The following CCDC88C variants were observed in gnomAD, a reference collection of about 807,000 sequenced individuals.
The protein encoded by CCDC88C is coiled-coil and HOOK domain protein 88C.
In CCDC88C, 131 loss-of-function variants were observed where a neutral mutation model predicts 198.8. The observed-to-expected ratio is 0.66, with a 90% CI of 0.57 to 0.76. The LOEUF (loss-of-function observed/expected upper bound fraction) is 0.76, where lower values mean the gene tolerates loss of function less well. Among genes scored for constraint, CCDC88C ranks in the 30% least tolerant of loss-of-function variants. CCDC88C has a pLI of 0.00. For synonymous variants in CCDC88C, 1,166 were observed against 1,114.7 expected, an observed-to-expected ratio of 1.05 and a Z score of -0.92; for missense variants, 2,553 against 2,631.6, an observed-to-expected ratio of 0.97 and a Z score of 0.65.
At position 91,343,702 on chromosome 14, in the gene CCDC88C, A is replaced by G. The variant is rs80220853; in HGVS notation, c.341-45T>C. 1.8e-3 allele frequency: 2,930 copies of G among 1,610,500 alleles called. 50 individuals are homozygous for G. The African/African-American group carries it at 0.034, about 18-fold the overall frequency. ...CATTTAACTCAGCTCAACTGCTGAT[A>G]TAATTTCAGTGACATGTTTACCGTA... On this transcript the variant is annotated intron_variant, in intron 4 of 29. Coordinates refer to ENST00000389857, the MANE Select transcript of CCDC88C (RefSeq NM_001080414.4).
chr14:91,394,673 C>T (rs1885729944), intron 3 of CCDC88C, among the ~76,000 whole-genome samples: 1 of 152,202 alleles, frequency 6.6e-6, no homozygotes, highest in African/African-American at 2.4e-5. Flanking sequence ...GATTCAGTGC[C>T]TGCTTTTAAG....
chr14:91,303,712 C>A lies in CCDC88C; in HGVS notation c.3624G>T (p.Glu1208Asp), dbSNP rs202239301. ...LHRNLELEHK[E>D]LGERHGDMLK... ...TCCCCAGGCCCTACCTCTCCCCGAG[C>A]TCCTTGTGCTCCAGCTCCAGATTCC... is the stretch of plus-strand genomic sequence containing the variant. The change falls in exon 20 of 30, where the codon GAG (glutamate) becomes GAT (aspartate). Residue 1208 changes from glutamate to aspartate, a missense_variant. By Grantham distance (45) the Glu-to-Asp change is conservative. Around this residue, in one of 2 missense-constraint regions of CCDC88C, gnomAD observed 1,293 missense variants for 1,219.6 expected, o/e 1.06. Transcript: ENST00000389857. 1 of 1,591,982 alleles carries A rather than the reference C, an allele frequency of 6.3e-7. No individual in the cohort carries two copies. Among genetic ancestry groups the A allele is most frequent in the East Asian group, 2.3e-5 (1 of 43,920 alleles).
At chr14:91,331,590 A>G (rs1596079003) in intron 10 of CCDC88C, among the ~76,000 whole-genome samples, 1 of 152,184 alleles carries the variant, frequency 6.6e-6, no homozygotes, top group East Asian at 1.9e-4. Flanking sequence ...AATGATCATT[A>G]GCCCAGTTCC....
In CCDC88C at chr14:91,313,728, C is replaced by T; in HGVS notation, c.2088G>A (p.Glu696=). The T allele has an allele frequency of 1.2e-6, 2 of 1,609,908 alleles. No individual in the cohort carries two copies. Among genetic ancestry groups the T allele is most frequent in the Non-Finnish European group, 1.7e-6 (2 of 1,179,844 alleles). Residue 696 remains glutamate (E), a synonymous_variant, in exon 15 of 30, where the codon GAG becomes GAA. Coordinates refer to ENST00000389857, the MANE Select transcript of CCDC88C (RefSeq NM_001080414.4). This position sits in a 1 kb window ranked among gnomAD's most constrained non-coding sequence, Gnocchi z 5.2. ...CTGCGTCCAGCTGCTTGTTGTCACG[C>T]TCCAGGCCCTCAAGCTGCAGGGACA... is the stretch of plus-strand genomic sequence containing the variant. ...QNVSLQLEGL[E]RDNKQLDAEN...
At chr14:91,331,265 A>C (rs1199068716) in intron 10 of CCDC88C, among the ~76,000 whole-genome samples, 1 of 152,186 alleles carries the variant, frequency 6.6e-6, no homozygotes, top group African/African-American at 2.4e-5. Flanking sequence ...TTTAAGTTAA[A>C]GATGGGAAAG....
At chr14:91,396,861 G>A (rs887242072) in intron 3 of CCDC88C, among the ~76,000 whole-genome samples, 1 of 152,152 alleles carries the variant, frequency 6.6e-6, no homozygotes, top group African/African-American at 2.4e-5. Flanking sequence ...TTAGCCAGAA[G>A]TGGTGGTGCA....
At chr14:91,299,824 C>T in intron 21 of CCDC88C, 103 bp downstream of exon 21, 1 of 1,383,918 alleles carries the variant, frequency 7.2e-7, no homozygotes, top group Non-Finnish European at 9.5e-7. Flanking sequence ...GATAAAAATC[C>T]ACGATCGCCA....
chr14:91,304,196 G>A (rs1182362503), intron 19 of CCDC88C, among the ~76,000 whole-genome samples: 1 of 152,246 alleles, frequency 6.6e-6, no homozygotes, highest in Non-Finnish European at 1.5e-5. Context: ...TCAGTCCTGA[G>A]CCACTCGCCA....
chr14:91,377,254 T>C (rs1201096355), intron 3 of CCDC88C, among the ~76,000 whole-genome samples: 1 of 152,178 alleles, frequency 6.6e-6, no homozygotes, highest in Non-Finnish European at 1.5e-5. Flanking sequence ...CACCCATTCC[T>C]GTGTGGCAGG....
At chr14:91,301,387 C>A (rs1006201507) in intron 20 of CCDC88C, among the ~76,000 whole-genome samples, 1 of 152,206 alleles carries the variant, frequency 6.6e-6, no homozygotes, top group African/African-American at 2.4e-5. Flanking sequence ...CCAGACTCCA[C>A]CTGCCAAAAC....
chr14:91,365,303 T>C (rs1200656371), intron 3 of CCDC88C, among the ~76,000 whole-genome samples: 1 of 152,004 alleles, frequency 6.6e-6, no homozygotes, highest in South Asian at 2.1e-4. Flanking sequence ...ATGAAGCAGG[T>C]AGGGACCAGG....
chr14:91,359,100 A>G (rs1894175209), intron 4 of CCDC88C, among the ~76,000 whole-genome samples: 1 of 151,918 alleles, frequency 6.6e-6, no homozygotes, highest in Non-Finnish European at 1.5e-5. Flanking sequence ...TCCCAGGAGG[A>G]ACAAGGCGGT....
chr14:91,371,443 G>A lies in CCDC88C; in HGVS notation c.271-11732C>T, dbSNP rs1894796485. 6.6e-6 allele frequency among the ~76,000 whole-genome samples: 1 copy of A among 152,144 alleles called. No individual in the cohort carries two copies. The highest frequency in any genetic ancestry group is 1.9e-4 in the East Asian group (1 of 5,160). On this transcript the variant is annotated intron_variant, in intron 3 of 29. Coordinates refer to ENST00000389857, the MANE Select transcript of CCDC88C (RefSeq NM_001080414.4). This position sits in a 1 kb window ranked among gnomAD's most constrained non-coding sequence, Gnocchi z 4.2. ...AGTGGTCCCATGGGAGGAGCCATGT[G>A]CTGTCCAGGCCCAGCCAACCTCACC...
At chr14:91,289,477 A>C in intron 24 of CCDC88C, 134 bp from the exon 25 acceptor site, 1 of 780,244 alleles carries the variant, frequency 1.3e-6, no homozygotes, top group East Asian at 2.4e-5. Flanking sequence ...GTTCAGGACA[A>C]TGACGCTCAT....
chr14:91,365,550 C>T (rs1195323743), intron 3 of CCDC88C, among the ~76,000 whole-genome samples: 5 of 152,224 alleles, frequency 3.3e-5, no homozygotes, highest in Non-Finnish European at 7.3e-5. Context: ...CACTCAACCA[C>T]GTTCGCCACG....
Position 91,273,184 on chromosome 14 carries a change from T to A in CCDC88C, c.5528A>T (p.His1843Leu). Reference sequence around the variant, plus strand: ...GGGGGGTGCGGGGCTTTGCAGGGTGTGGCTGCCTGTCTCTCTGCCCCCTAA... The same window carrying A: ...GGGGGGTGCGGGGCTTTGCAGGGTGAGGCTGCCTGTCTCTCTGCCCCCTAA... ...EALGGRETGSHTLQSPAPPSS... is the reference protein window; with the variant it reads ...EALGGRETGSLTLQSPAPPSS... The change falls in exon 30 of 30, where the codon CAC (histidine) becomes CTC (leucine). Residue 1843 changes from histidine (H) to leucine (L), a missense_variant. His to Leu is a moderately conservative substitution (Grantham distance 99, BLOSUM62 -3). Coordinates refer to ENST00000389857, the MANE Select transcript of CCDC88C (RefSeq NM_001080414.4). This position sits in a 1 kb window ranked among gnomAD's most constrained non-coding sequence, Gnocchi z 5.6. 5 of 1,577,356 alleles carry A rather than the reference T, an allele frequency of 3.2e-6. No homozygotes were observed. Among genetic ancestry groups the A allele is most frequent in the Non-Finnish European group, 4.3e-6 (5 of 1,161,946 alleles).
chr14:91,279,382 G>A lies in CCDC88C; in HGVS notation c.4700-76C>T, dbSNP rs1024431247. ...CCCAGATGAGCCATCTAAGAAAAAC[G>A]ATGCAGCAAAACAATCCCATGCCAA... On this transcript the variant is annotated intron_variant, in intron 27 of 29. Coordinates refer to ENST00000389857, the MANE Select transcript of CCDC88C (RefSeq NM_001080414.4). The A allele has an allele frequency of 1.3e-5, 16 of 1,261,572 alleles. No homozygotes were observed. In the African/African-American group the frequency reaches 2.0e-4, roughly 15 times the overall value. The allele number at this position is 1,261,572 out of a possible 1,614,324, so 78.1% of individuals were successfully genotyped here. A position where few individuals can be genotyped will look rare whatever the true frequency, so the allele number is the denominator to read the frequency against.
Position 91,273,386 on chromosome 14 carries a change from T to A in CCDC88C, c.5326A>T (p.Ser1776Cys), listed in dbSNP as rs1889826102. Residue 1776 changes from serine to cysteine, a missense_variant, in exon 30 of 30, where the codon AGC becomes TGC. Physicochemically the swap from Ser to Cys is moderately radical, Grantham distance 112 (BLOSUM62 -1). Coordinates refer to ENST00000389857, the MANE Select transcript of CCDC88C (RefSeq NM_001080414.4). The surrounding 1 kb of genome is among the most constrained non-coding windows in gnomAD (Gnocchi z 5.6). ...VAPRQAQPPQ[S>C]LSLGRPRQAP... The stretch of plus-strand genomic sequence containing the variant: ...TGCCGGGGTCTGCCCAGAGACAGGC[T>A]CTGGGGAGGCTGGGCCTGTCTCGGG... The A allele has an allele frequency of 6.5e-7, 1 of 1,533,980 alleles. No homozygotes were observed. The highest frequency in any genetic ancestry group is 1.4e-5 in the African/African-American group (1 of 72,416).
At chr14:91,359,521 A>G in intron 4 of CCDC88C, 121 bp downstream of exon 4, 3 of 734,436 alleles carry the variant, frequency 4.1e-6, no homozygotes, top group Non-Finnish European at 7.2e-6. Flanking sequence ...TCTCACCAAA[A>G]CGATCACGTG....
Sources: allele counts gnomAD v4.1 joint callset (sites outside exome capture counted in the v4.1 genomes callset), GRCh38; gene constraint gnomAD v4.1.1; regional missense constraint gnomAD v4.1.1; non-coding constraint Gnocchi (gnomAD v3.1); transcripts MANE v1.5; gene names NCBI Gene and HGNC (gene_info 2026-07-23, HGNC 2026-07-21).